The following TMIGD3 variants were observed in gnomAD, a reference collection of about 807,000 sequenced individuals.
The protein encoded by TMIGD3 is transmembrane and immunoglobulin domain containing 3.
In TMIGD3, 21 loss-of-function variants were observed where a neutral mutation model predicts 28.1. That is an observed-to-expected ratio of 0.75 (90% CI 0.53 to 1.08). The LOEUF is 1.08. Among genes scored for constraint, TMIGD3 ranks in the 50% least tolerant of loss-of-function variants. The probability of loss-of-function intolerance (pLI) is 0.00; values close to 1 mark genes in which losing one functional copy is unlikely to be tolerated. For missense variants in TMIGD3, 416 were observed against 435.6 expected, an observed-to-expected ratio of 0.96 and a Z score of 0.40; for synonymous variants, 151 against 162.1, an observed-to-expected ratio of 0.93 and a Z score of 0.52.
At chr1:111,512,923 A>G (rs1195606662) in intron 1 of TMIGD3, among the ~76,000 whole-genome samples, 1 of 152,208 alleles carries the variant, frequency 6.6e-6, no homozygotes, top group East Asian at 1.9e-4. Context: ...AATAGGAAGT[A>G]TCCAAAAGAG....
intron 1 of TMIGD3, among the ~76,000 whole-genome samples, chr1:111,510,425 A>G (rs1557829390): frequency 6.7e-6 from 1 of 150,340 alleles, no homozygotes; most frequent in African/African-American, 2.5e-5. Context: ...ATAAAGTTTC[A>G]TAGGATAAAT....
intron 1 of TMIGD3, among the ~76,000 whole-genome samples, chr1:111,555,858 G>T (rs369779420): frequency 2.0e-5 from 3 of 152,180 alleles, no homozygotes; most frequent in African/African-American, 7.2e-5. Flanking sequence ...ATTTGGCAAC[G>T]ATTTCTTGGA....
At chr1:111,505,642 T>C (rs2298191), upstream of TMIGD3, among the ~76,000 whole-genome samples, 44,015 of 151,922 alleles carry the variant, frequency 0.29, 7,040 homozygotes, top group Admixed American at 0.41. Context: ...GGGCAGAAGG[T>C]CACTTCATTT....
chr1:111,509,764 A>C (rs1655629961), intron 1 of TMIGD3, among the ~76,000 whole-genome samples: 1 of 152,246 alleles, frequency 6.6e-6, no homozygotes. Flanking sequence ...GCCATTGATA[A>C]AATGCCAATT....
chr1:111,499,825 A>T (rs1477858789), intron 1 of TMIGD3: 1 of 1,512,766 alleles, frequency 6.6e-7, no homozygotes, highest in Non-Finnish European at 8.8e-7. Context: ...AGCACTGGAG[A>T]TGCTCCCACC....
At chr1:111,506,686 T>C (rs1194388167), upstream of TMIGD3, among the ~76,000 whole-genome samples, 1 of 151,880 alleles carries the variant, frequency 6.6e-6, no homozygotes, top group Non-Finnish European at 1.5e-5. Context: ...TTCTCAGATC[T>C]AAAAAAGAAA....
chr1:111,546,471 T>C (rs1571454601), intron 1 of TMIGD3, among the ~76,000 whole-genome samples: 2 of 152,148 alleles, frequency 1.3e-5, no homozygotes, highest in Admixed American at 6.5e-5. Context: ...CCTTTCTGTC[T>C]CTGTGAATTG....
At chr1:111,548,195 G>A (rs1015870028) in intron 1 of TMIGD3, among the ~76,000 whole-genome samples, 6 of 152,080 alleles carry the variant, frequency 3.9e-5, no homozygotes, top group Admixed American at 1.3e-4. Flanking sequence ...TAATTTTTGT[G>A]TTTTCAGTAG....
Position 111,551,760 on chromosome 1 carries a change from TGTTTTG to T in TMIGD3, c.107+12080_107+12085del, listed in dbSNP as rs1478118633. On this transcript the variant is annotated intron_variant, in intron 1 of 5. Coordinates refer to the TMIGD3 transcript ENST00000369717. ...TGTGGTTTTTGGTTTTGTTTTGTTTTGTTTTGTTTTTTTGAGATGGAGTCTTTACAG... is the reference window on the plus strand; with the variant it reads ...TGTGGTTTTTGGTTTTGTTTTGTTTTTTTTTTTGAGATGGAGTCTTTACAG... Among the ~76,000 whole-genome samples, 4 of 29,872 alleles carry T rather than the reference TGTTTTG, an allele frequency of 1.3e-4. No homozygotes were observed. In the Non-Finnish European group the frequency reaches 1.4e-3, roughly 10 times the overall value. 19.6% of individuals were successfully genotyped at this position (29,872 alleles called of 152,430 possible).
chr1:111,515,555 G>A (rs1397696674), intron 1 of TMIGD3, among the ~76,000 whole-genome samples: 3 of 152,228 alleles, frequency 2.0e-5, no homozygotes, highest in African/African-American at 7.2e-5. Flanking sequence ...TGCCCCTTGT[G>A]CCAGAGGCGA....
At chr1:111,507,323 C>A (rs1655543443), upstream of TMIGD3, among the ~76,000 whole-genome samples, 1 of 152,004 alleles carries the variant, frequency 6.6e-6, no homozygotes, top group Non-Finnish European at 1.5e-5. Flanking sequence ...ATCAGGGAAG[C>A]AAAGATCTAG....
intron 1 of TMIGD3, among the ~76,000 whole-genome samples, chr1:111,530,504 C>T (rs531933122): frequency 6.6e-6 from 1 of 152,300 alleles, no homozygotes; most frequent in East Asian, 1.9e-4. Context: ...TTGCGCAGCT[C>T]TGCTGGTTAC....
At chr1:111,524,028 C>CTTTTTTTTTT (rs35046603) in intron 1 of TMIGD3, among the ~76,000 whole-genome samples, 1 of 108,788 alleles carries the variant, frequency 9.2e-6, no homozygotes, top group African/African-American at 3.4e-5. Flanking sequence ...TCTTTCTTTT[C>CTTTTTTTTTT]TTTTTTTTTT....
chr1:111,539,688 C>A (rs1300384061), intron 1 of TMIGD3, among the ~76,000 whole-genome samples: 3 of 152,180 alleles, frequency 2.0e-5, no homozygotes, highest in Non-Finnish European at 4.4e-5. Context: ...TCCCCCTACT[C>A]CCAGTCTCCA....
intron 1 of TMIGD3, among the ~76,000 whole-genome samples, chr1:111,496,482 C>T (rs1384283939): frequency 6.6e-6 from 1 of 152,234 alleles, no homozygotes; most frequent in African/African-American, 2.4e-5. Flanking sequence ...TGAAACCCAA[C>T]TCAGTGCAAA....
At chr1:111,551,401 A>G (rs948577063) in intron 1 of TMIGD3, among the ~76,000 whole-genome samples, 7 of 152,066 alleles carry the variant, frequency 4.6e-5, no homozygotes, top group Non-Finnish European at 7.4e-5. Flanking sequence ...CTTTTACTAC[A>G]TACTTTTGAG....
intron 1 of TMIGD3, among the ~76,000 whole-genome samples, chr1:111,520,733 G>A (rs890656494): frequency 2.0e-5 from 3 of 152,206 alleles, no homozygotes; most frequent in African/African-American, 7.2e-5. Context: ...GAGTGGAATG[G>A]ATATGTCAGA....
chr1:111,506,804 C>T (rs535866003), upstream of TMIGD3, among the ~76,000 whole-genome samples: 2 of 151,570 alleles, frequency 1.3e-5, no homozygotes, highest in African/African-American at 4.8e-5. Context: ...ATGAGCAGGT[C>T]GCTGGTAAGG....
intron 2 of TMIGD3, 27 bp from the exon 3 acceptor site, chr1:111,489,051 A>G (rs776823495): frequency 6.5e-7 from 1 of 1,545,688 alleles, no homozygotes; most frequent in Non-Finnish European, 8.9e-7. Flanking sequence ...ACACACGCAC[A>G]CGTGCACACA....
Sources: allele counts gnomAD v4.1 joint callset (sites outside exome capture counted in the v4.1 genomes callset), GRCh38; gene constraint gnomAD v4.1.1; transcripts MANE v1.5; gene names NCBI Gene and HGNC (gene_info 2026-07-23, HGNC 2026-07-21).